Variants in HEPHL1 observed in about 807,000 individuals in gnomAD.
HEPHL1 encodes hephaestin like 1, also known as ferroxidase HEPHL1.
In HEPHL1, 123 loss-of-function variants were observed where a neutral mutation model predicts 122.0. That is an observed-to-expected ratio of 1.01 (90% CI 0.87 to 1.17). HEPHL1 has a LOEUF of 1.17. Among genes scored for constraint, HEPHL1 ranks in the 50% most tolerant of loss-of-function variants. HEPHL1 has a pLI of 0.00. For missense variants in HEPHL1, 1,452 were observed against 1,430.5 expected (o/e 1.01, Z -0.24); for synonymous variants, 527 against 508.9 (o/e 1.04, Z -0.48).
At chr11:94,098,311 T>G (rs1946336431) in intron 13 of HEPHL1, among the ~76,000 whole-genome samples, 1 of 152,216 alleles carries the variant, frequency 6.6e-6, no homozygotes, top group Non-Finnish European at 1.5e-5. Flanking sequence ...AGTTGAAAAT[T>G]CTTTTCTTTA....
chr11:94,039,452 A>G (rs1372747602), intron 1 of HEPHL1, among the ~76,000 whole-genome samples: 2 of 150,338 alleles, frequency 1.3e-5, no homozygotes, highest in Non-Finnish European at 3.0e-5. Context: ...CTATTCCAAA[A>G]TTGACCACAT....
chr11:94,054,470 A>G (rs1945918778), intron 2 of HEPHL1, among the ~76,000 whole-genome samples: 1 of 152,192 alleles, frequency 6.6e-6, no homozygotes, highest in African/African-American at 2.4e-5. Flanking sequence ...ACTTGTTTCC[A>G]CTGGTCACAC....
At chr11:94,089,036 G>A (rs1946242853) in intron 12 of HEPHL1, 68 bp downstream of exon 12, 2 of 1,363,946 alleles carry the variant, frequency 1.5e-6, no homozygotes, top group Non-Finnish European at 2.1e-6. Context: ...TTTAGTAAGT[G>A]TGGCTCCCTG....
chr11:94,080,946 T>C (rs2139093), intron 9 of HEPHL1, among the ~76,000 whole-genome samples: 112,143 of 152,070 alleles, frequency 0.74, 41,815 homozygotes, highest in African/African-American at 0.86. Flanking sequence ...ACTGGGCATA[T>C]ACCAAAAGGA....
At chr11:94,048,090 C>A (rs138556222) in intron 2 of HEPHL1, among the ~76,000 whole-genome samples, 1 of 152,198 alleles carries the variant, frequency 6.6e-6, no homozygotes, top group Non-Finnish European at 1.5e-5. Flanking sequence ...TATGAATGTG[C>A]CTTTTGTGTC....
In HEPHL1 at chr11:94,082,309, G is replaced by A. The variant is rs146409598; in HGVS notation, c.1717-109G>A. On this transcript the variant is annotated intron_variant, in intron 9 of 19. Coordinates refer to ENST00000315765, the MANE Select transcript of HEPHL1 (RefSeq NM_001098672.2). ...ATGACCTGCGAACTCTTGGGCTGAT[G>A]TTGATCTGCCCTGACTTATTAATAT... The A allele has an allele frequency of 5.5e-4, 381 of 698,532 alleles. 3 individuals are homozygous for A. In the East Asian group the frequency reaches 9.1e-3, roughly 17 times the overall value. 43.3% of individuals were successfully genotyped at this position (698,532 alleles called of 1,614,324 possible). A position where few individuals can be genotyped will look rare whatever the true frequency, so the allele number is the denominator to read the frequency against.
At chr11:94,093,971 G>GATAGATAGATATAT (rs71036310) in intron 13 of HEPHL1, among the ~76,000 whole-genome samples, 17 of 72,760 alleles carry the variant, frequency 2.3e-4, no homozygotes, top group South Asian at 6.1e-4. Context: ...TCCTCCAGCA[G>GATAGATAGATATAT]ATATATATAT....
At chr11:94,107,574 C>T (rs1229290804) in intron 17 of HEPHL1, among the ~76,000 whole-genome samples, 8 of 152,198 alleles carry the variant, frequency 5.3e-5, no homozygotes, top group Admixed American at 5.2e-4. Flanking sequence ...CTTCCCCATA[C>T]TTAACACTTG....
chr11:94,033,444 G>T (rs540236947), intron 1 of HEPHL1, among the ~76,000 whole-genome samples: 34 of 152,230 alleles, frequency 2.2e-4, no homozygotes, highest in Middle Eastern at 3.4e-3. Context: ...TGTGTGGCCT[G>T]GCCATTTGTG....
rs1470952939 is a variant in HEPHL1, at chr11:94,082,650, T to A, written c.1867+82T>A. Reference sequence around the variant, plus strand: ...AAATGATTGGTGTGTTTGAATTATATTAATTTTGGTTTCTTGGATATTGTT... The same window carrying A: ...AAATGATTGGTGTGTTTGAATTATAATAATTTTGGTTTCTTGGATATTGTT... On this transcript the variant is annotated intron_variant, in intron 10 of 19. Transcript: ENST00000315765. 3 of 1,346,016 alleles carry A rather than the reference T, an allele frequency of 2.2e-6. No individual in the cohort carries two copies. In the Admixed American group the frequency reaches 7.3e-5, roughly 33 times the overall value. 83.4% of individuals were successfully genotyped at this position (1,346,016 alleles called of 1,614,324 possible). A position where few individuals can be genotyped will look rare whatever the true frequency, so the allele number is the denominator to read the frequency against.
At chr11:94,055,094 G>T (rs78760514) in intron 2 of HEPHL1, 9,656 of 183,444 alleles carry the variant, frequency 0.053, 349 homozygotes, top group Non-Finnish European at 0.066. Flanking sequence ...CATAAGAACT[G>T]GTATGTAATA....
At chr11:94,030,640 T>C (rs1945666233) in intron 1 of HEPHL1, among the ~76,000 whole-genome samples, 1 of 152,228 alleles carries the variant, frequency 6.6e-6, no homozygotes, top group Admixed American at 6.5e-5. Flanking sequence ...GAGTGACTTC[T>C]GCTTACATCT....
In HEPHL1 at chr11:94,045,852, AGAACTTTGCTTCTC is replaced by A. The variant is rs777928513; in HGVS notation, c.353_366del (p.Asn118ThrfsTer31). ...GGTGATGTGATTGTCATTCATTTAA[AGAACTTTGCTTCTC>A]GACCTTACTCTCTGCATCCACATGG... On this transcript the variant is annotated frameshift_variant, in exon 2 of 20. Coordinates refer to ENST00000315765, the MANE Select transcript of HEPHL1 (RefSeq NM_001098672.2). LOFTEE classifies it high-confidence loss of function. 7 of 1,613,920 alleles carry A rather than the reference AGAACTTTGCTTCTC, an allele frequency of 4.3e-6. No individual in the cohort carries two copies. In the East Asian group the frequency reaches 1.6e-4, roughly 36 times the overall value.
intron 1 of HEPHL1, among the ~76,000 whole-genome samples, chr11:94,028,957 C>G (rs1945648820): frequency 7.4e-6 from 1 of 135,360 alleles, no homozygotes; most frequent in African/African-American, 2.6e-5. Context: ...TCTCTTATTT[C>G]TATCCCTTCC....
At chr11:94,076,546 T>C (rs771430808) in intron 9 of HEPHL1, among the ~76,000 whole-genome samples, 6 of 152,064 alleles carry the variant, frequency 3.9e-5, no homozygotes, top group African/African-American at 7.2e-5. Flanking sequence ...CACCTCATAG[T>C]CTGTGGGAAT....
At chr11:94,072,113 A>C (rs1038683214) in intron 6 of HEPHL1, among the ~76,000 whole-genome samples, 11 of 152,182 alleles carry the variant, frequency 7.2e-5, no homozygotes, top group African/African-American at 1.9e-4. Context: ...TGAAAAAATA[A>C]GCACAGTCTT....
intron 4 of HEPHL1, among the ~76,000 whole-genome samples, chr11:94,066,476 C>A (rs529433462): frequency 8.6e-5 from 13 of 151,920 alleles, no homozygotes; most frequent in African/African-American, 3.1e-4. Context: ...ATCTTTTGAA[C>A]CCAGGAGACA....
At chr11:94,042,891 A>AAAAAAAAAAAAAAAAC (rs762818935) in intron 1 of HEPHL1, among the ~76,000 whole-genome samples, 10 of 149,046 alleles carry the variant, frequency 6.7e-5, no homozygotes, top group East Asian at 6.6e-4. Context: ...AAAAAAAAAA[A>AAAAAAAAAAAAAAAAC]AACTGCATGA....
In HEPHL1 at chr11:94,048,223, C is replaced by T. The variant is rs111390807; in HGVS notation, c.415+2306C>T. On this transcript the variant is annotated intron_variant, in intron 2 of 19. Coordinates refer to ENST00000315765, the MANE Select transcript of HEPHL1 (RefSeq NM_001098672.2). ...ATGTATATACCACACTTTGTTTATCCGTTCATCTGTTGATGAATGCTTTGG... is the reference window on the plus strand; with the variant it reads ...ATGTATATACCACACTTTGTTTATCTGTTCATCTGTTGATGAATGCTTTGG... 7.5e-3 allele frequency among the ~76,000 whole-genome samples: 1,147 copies of T among 152,172 alleles called. 20 individuals carry two copies. The highest frequency in any genetic ancestry group is 0.027 in the African/African-American group (1,106 of 41,472).
Sources: gnomAD v4.1 joint callset for allele counts (sites outside exome capture counted in the v4.1 genomes callset) on GRCh38, gnomAD v4.1.1 for gene constraint, MANE v1.5 for transcripts, NCBI Gene and HGNC (gene_info 2026-07-23, HGNC 2026-07-21) for gene names.